The following NRG1 variants were observed in gnomAD, a reference collection of about 807,000 sequenced individuals.
The protein encoded by NRG1 is pro-neuregulin-1, membrane-bound isoform.
NRG1 carries 18 observed loss-of-function variants against 63.8 expected under a neutral mutation model. The ratio of observed to expected loss-of-function variants is 0.28; its 90% CI spans 0.19 to 0.42. The LOEUF (loss-of-function observed/expected upper bound fraction) is 0.42, where lower values mean the gene tolerates loss of function less well. Ranked by LOEUF, NRG1 falls within the 10% of genes least tolerant of loss-of-function variation. The probability of loss-of-function intolerance (pLI) is 1.00; values close to 1 mark genes in which losing one functional copy is unlikely to be tolerated. For missense variants in NRG1, 762 were observed against 814.7 expected, an observed-to-expected ratio of 0.94 and a Z score of 0.79; for synonymous variants, 302 against 301.3, an observed-to-expected ratio of 1.00 and a Z score of -0.02.
chr8:32,679,828 A>G (rs1808133245), intron 5 of NRG1, among the ~76,000 whole-genome samples: 1 of 152,248 alleles, frequency 6.6e-6, no homozygotes, highest in Admixed American at 6.5e-5. Flanking sequence ...CATTGTGATC[A>G]GAATGAAGGA....
intron 5 of NRG1, among the ~76,000 whole-genome samples, chr8:32,689,696 A>G (rs1388284797): frequency 1.3e-5 from 2 of 152,170 alleles, no homozygotes; most frequent in African/African-American, 4.8e-5. Context: ...ATGTATGTGT[A>G]ATATACATAT....
At chr8:31,724,735 A>G (rs1026437691) in intron 1 of NRG1, among the ~76,000 whole-genome samples, 1 of 152,168 alleles carries the variant, frequency 6.6e-6, no homozygotes, top group Non-Finnish European at 1.5e-5. Context: ...CACTGGCTAT[A>G]TGAGACCTTG....
chr8:32,358,588 C>T (rs1034792890), intron 1 of NRG1, among the ~76,000 whole-genome samples: 3 of 152,066 alleles, frequency 2.0e-5, no homozygotes, highest in African/African-American at 7.2e-5. Flanking sequence ...GACAGAAGTA[C>T]AGGAATTAAG....
chr8:32,763,634 A>G, intron 11 of NRG1, 114 bp from the exon 12 acceptor site: 1 of 1,216,614 alleles, frequency 8.2e-7, no homozygotes, highest in Non-Finnish European at 1.1e-6. Flanking sequence ...CCTACAATGA[A>G]TAGAAATTCT....
intron 5 of NRG1, among the ~76,000 whole-genome samples, chr8:32,703,912 C>T (rs1815637366): frequency 6.6e-6 from 1 of 152,192 alleles, no homozygotes. Flanking sequence ...TTTGCCATCG[C>T]TGCCCTTTCT....
At chr8:31,869,922 T>G (rs1829331679) in intron 1 of NRG1, among the ~76,000 whole-genome samples, 1 of 152,120 alleles carries the variant, frequency 6.6e-6, no homozygotes, top group Admixed American at 6.6e-5. Context: ...ACCTCCAAAT[T>G]AAGACAAATT....
chr8:32,154,138 G>A (rs1320148541), intron 1 of NRG1, among the ~76,000 whole-genome samples: 2 of 152,178 alleles, frequency 1.3e-5, no homozygotes, highest in East Asian at 3.9e-4. Context: ...CAAGCAGCAG[G>A]CAGTGGAAGA....
chr8:32,574,506 G>A (rs889381701), intron 1 of NRG1, among the ~76,000 whole-genome samples: 1 of 152,088 alleles, frequency 6.6e-6, no homozygotes, highest in Non-Finnish European at 1.5e-5. Flanking sequence ...CTGGATCATG[G>A]GGGTGGATTT....
intron 5 of NRG1, among the ~76,000 whole-genome samples, chr8:32,701,662 A>G (rs1302538624): frequency 2.6e-5 from 4 of 152,232 alleles, no homozygotes; most frequent in African/African-American, 7.2e-5. Context: ...CAACTAAAAG[A>G]TGATTCACTT....
chr8:31,984,061 C>A (rs1809619378), intron 1 of NRG1, among the ~76,000 whole-genome samples: 1 of 152,038 alleles, frequency 6.6e-6, no homozygotes, highest in Non-Finnish European at 1.5e-5. Context: ...CTCTGTTAGA[C>A]AGCTTTAAAT....
intron 7 of NRG1, among the ~76,000 whole-genome samples, chr8:32,744,790 G>C (rs753461259): frequency 6.6e-6 from 1 of 152,126 alleles, no homozygotes; most frequent in Non-Finnish European, 1.5e-5. Flanking sequence ...AGATCTGACA[G>C]TAGTAACCAG....
At chr8:32,067,413 T>G (rs1276363075) in intron 1 of NRG1, among the ~76,000 whole-genome samples, 1 of 152,206 alleles carries the variant, frequency 6.6e-6, no homozygotes, top group African/African-American at 2.4e-5. Flanking sequence ...TGTTGAAGTT[T>G]GTCAAAGGCC....
intron 1 of NRG1, among the ~76,000 whole-genome samples, chr8:32,006,469 A>G (rs929343223): frequency 6.6e-6 from 1 of 152,066 alleles, no homozygotes; most frequent in African/African-American, 2.4e-5. Flanking sequence ...TGACCCTGAA[A>G]GGGTAGGGTA....
At chr8:31,878,949 G>A (rs1051826353) in intron 1 of NRG1, among the ~76,000 whole-genome samples, 6 of 152,144 alleles carry the variant, frequency 3.9e-5, no homozygotes, top group Non-Finnish European at 1.5e-5. Flanking sequence ...GCAGTGAGCC[G>A]AGATCGCGCT....
chr8:32,533,480 G>A (rs989084648), intron 1 of NRG1, among the ~76,000 whole-genome samples: 2 of 151,984 alleles, frequency 1.3e-5, no homozygotes, highest in Admixed American at 6.5e-5. Flanking sequence ...TCAACTATAT[G>A]TTATTTTCTT....
At chr8:31,725,883 G>C (rs1813382314) in intron 1 of NRG1, among the ~76,000 whole-genome samples, 1 of 152,300 alleles carries the variant, frequency 6.6e-6, no homozygotes, top group South Asian at 2.1e-4. Flanking sequence ...CAAGTGGTAA[G>C]TGTAGTCGCT....
At chr8:32,317,532 G>A (rs1213386729) in intron 1 of NRG1, among the ~76,000 whole-genome samples, 5 of 152,158 alleles carry the variant, frequency 3.3e-5, no homozygotes. Context: ...CTCTCCTTGA[G>A]TTCTTCATTG....
chr8:32,213,057 A>G (rs1844851780), intron 1 of NRG1, among the ~76,000 whole-genome samples: 1 of 152,166 alleles, frequency 6.6e-6, no homozygotes. Flanking sequence ...TATTTCTTGT[A>G]TGGTGATTGG....
chr8:32,662,788 G>A (rs1239622323), intron 5 of NRG1, among the ~76,000 whole-genome samples: 4 of 152,106 alleles, frequency 2.6e-5, no homozygotes, highest in Non-Finnish European at 4.4e-5. Context: ...GAAAGGATAC[G>A]GTTATCACCA....
Sources: allele counts gnomAD v4.1 joint callset (sites outside exome capture counted in the v4.1 genomes callset), GRCh38; gene constraint gnomAD v4.1.1; transcripts MANE v1.5; gene names NCBI Gene and HGNC (gene_info 2026-07-23, HGNC 2026-07-21).